The following IL1RAPL1 variants were observed in gnomAD, a reference collection of about 807,000 sequenced individuals.
The protein encoded by IL1RAPL1 is interleukin 1 receptor accessory protein like 1.
In IL1RAPL1, 3 loss-of-function variants were observed where a neutral mutation model predicts 48.4. The ratio of observed to expected loss-of-function variants is 0.06; its 90% CI spans 0.03 to 0.16. The LOEUF (loss-of-function observed/expected upper bound fraction) is 0.16, where lower values mean the gene tolerates loss of function less well. IL1RAPL1 is among the 10% of genes least tolerant of loss of function. The probability of loss-of-function intolerance (pLI) is 1.00; values close to 1 mark genes in which losing one functional copy is unlikely to be tolerated. For missense variants in IL1RAPL1, 349 were observed against 530.6 expected (o/e 0.66, Z 3.36); for synonymous variants, 185 against 187.7 (o/e 0.99, Z 0.12).
chrX:29,038,149 G>C (rs1926770125), intron 2 of IL1RAPL1, among the ~76,000 whole-genome samples: 1 of 111,870 alleles, frequency 8.9e-6, no homozygotes, highest in South Asian at 3.7e-4. Context: ...GGCGCATCAA[G>C]TACACACATG....
At chrX:29,840,470 T>A (rs1346636651) in intron 6 of IL1RAPL1, among the ~76,000 whole-genome samples, 3 of 112,150 alleles carry the variant, frequency 2.7e-5, no homozygotes, top group Non-Finnish European at 3.8e-5. Context: ...AAACCCATTT[T>A]AAAAAATCCC....
intron 2 of IL1RAPL1, among the ~76,000 whole-genome samples, chrX:29,240,216 A>AT (rs1931389019): frequency 3.7e-5 from 1 of 27,057 alleles, no homozygotes; most frequent in African/African-American, 2.1e-4. Context: ...ATATATATAT[A>AT]TATATATATT....
At chrX:28,981,717 CA>C (rs780797858) in intron 2 of IL1RAPL1, among the ~76,000 whole-genome samples, 1 of 111,617 alleles carries the variant, frequency 9.0e-6, no homozygotes, top group South Asian at 3.8e-4. Context: ...CCTTTCTTCC[CA>C]ATGCTGAAAT....
chrX:29,504,273 G>T (rs758440842), intron 5 of IL1RAPL1, among the ~76,000 whole-genome samples: 1 of 111,700 alleles, frequency 9.0e-6, no homozygotes, highest in African/African-American at 3.3e-5. Flanking sequence ...CCTGGCTACT[G>T]TTTCATGCAC....
chrX:29,081,020 C>CTCTCTTTCTTTTCTTTTCTTTTCTTTTCT (rs1555960745), intron 2 of IL1RAPL1, among the ~76,000 whole-genome samples: 1 of 41,911 alleles, frequency 2.4e-5, no homozygotes, highest in Non-Finnish European at 4.4e-5. Context: ...CTCTCTCTCT[C>CTCTCTTTCTTTTCTTTTCTTTTCTTTTCT]TTTCTTTTCT....
chrX:29,682,066 A>G (rs141987580), intron 6 of IL1RAPL1, among the ~76,000 whole-genome samples: 47 of 112,038 alleles, frequency 4.2e-4, no homozygotes, highest in South Asian at 7.4e-4. Context: ...CCCTATTAGT[A>G]TGTACAATTA....
In IL1RAPL1 at chrX:29,956,328, G is replaced by GAA. The variant is rs765911053; in HGVS notation, c.*529_*530dup. ...CAAATGCCAGCATTGCCATTCGGGG[G>GAA]AAAAAAAAAAAAAAAAAAAAAAGAT... On this transcript the variant is annotated 3_prime_UTR_variant, in exon 11 of 11. Transcript: ENST00000378993. 5.4e-4 allele frequency: 30 copies of GAA among 55,812 alleles called. No homozygotes were observed. Among genetic ancestry groups the GAA allele is most frequent in the Non-Finnish European group, 7.5e-4 (22 of 29,239 alleles). 4.6% of individuals were successfully genotyped at this position (55,812 alleles called of 1,213,427 possible).
At chrX:28,693,190 A>G (rs1935197589) in intron 1 of IL1RAPL1, among the ~76,000 whole-genome samples, 2 of 112,100 alleles carry the variant, frequency 1.8e-5, no homozygotes, top group African/African-American at 3.2e-5. Context: ...CTTTACTGGT[A>G]CCCCCAACAA....
chrX:29,846,066 C>A (rs1271621901), intron 6 of IL1RAPL1, among the ~76,000 whole-genome samples: 2 of 111,335 alleles, frequency 1.8e-5, no homozygotes, highest in East Asian at 5.7e-4. Context: ...GAGATTTGGG[C>A]AGGGACGCAC....
At chrX:29,784,451 A>C (rs894633654) in intron 6 of IL1RAPL1, among the ~76,000 whole-genome samples, 2 of 111,658 alleles carry the variant, frequency 1.8e-5, no homozygotes, top group African/African-American at 3.3e-5. Context: ...GGCTATTCAT[A>C]CACAGGTATA....
In IL1RAPL1 at chrX:29,644,340, T is replaced by G. The variant is rs368473331; in HGVS notation, c.704-24090T>G. Among the ~76,000 whole-genome samples the G allele has an allele frequency of 3.6e-5, 4 of 111,943 alleles. No individual in the cohort carries two copies. The South Asian group carries it at 1.5e-3, about 42-fold the overall frequency. On this transcript the variant is annotated intron_variant, in intron 5 of 10. Coordinates refer to ENST00000378993, the MANE Select transcript of IL1RAPL1 (RefSeq NM_014271.4). ...AAAAGAATTAATTCTTTGTCAAGTGTGTGAGGAAGAGCATGGTGGACCAGA... is the reference window on the plus strand; with the variant it reads ...AAAAGAATTAATTCTTTGTCAAGTGGGTGAGGAAGAGCATGGTGGACCAGA...
intron 2 of IL1RAPL1, among the ~76,000 whole-genome samples, chrX:28,985,030 C>T (rs1291981767): frequency 9.0e-6 from 1 of 111,424 alleles, no homozygotes; most frequent in East Asian, 2.8e-4. Context: ...GGGTATGATA[C>T]AAACCAATGA....
At chrX:29,648,294 C>G (rs1015500042) in intron 5 of IL1RAPL1, among the ~76,000 whole-genome samples, 1 of 112,020 alleles carries the variant, frequency 8.9e-6, no homozygotes, top group African/African-American at 3.2e-5. Context: ...GTGGACCTAA[C>G]AGACATATAC....
chrX:28,686,204 A>G (rs922766474), intron 1 of IL1RAPL1, among the ~76,000 whole-genome samples: 4 of 112,263 alleles, frequency 3.6e-5, no homozygotes, highest in African/African-American at 6.5e-5. Context: ...ATTGAGTTGA[A>G]TTAAACAAAA....
intron 2 of IL1RAPL1, among the ~76,000 whole-genome samples, chrX:29,061,301 A>C (rs1927335569): frequency 8.9e-6 from 1 of 112,012 alleles, no homozygotes; most frequent in African/African-American, 3.2e-5. Context: ...CTGTCTGATG[A>C]GCATGCTTAT....
At chrX:29,334,832 T>TG (rs1439157832) in intron 3 of IL1RAPL1, among the ~76,000 whole-genome samples, 2 of 108,220 alleles carry the variant, frequency 1.8e-5, no homozygotes, top group Admixed American at 9.6e-5. Flanking sequence ...TCCCAGACGA[T>TG]GGGGGGCCAG....
chrX:29,005,770 CA>C (rs1925963025), intron 2 of IL1RAPL1, among the ~76,000 whole-genome samples: 1 of 111,605 alleles, frequency 9.0e-6, no homozygotes, highest in South Asian at 3.7e-4. Flanking sequence ...TCTTAACCAT[CA>C]AACTTTCACT....
chrX:29,803,106 T>C (rs190601764), intron 6 of IL1RAPL1, among the ~76,000 whole-genome samples: 5 of 92,410 alleles, frequency 5.4e-5, no homozygotes, highest in Non-Finnish European at 1.1e-4. Context: ...CATGTATACA[T>C]ATATGTATAT....
chrX:29,563,029 A>T, intron 5 of IL1RAPL1, among the ~76,000 whole-genome samples: 1 of 111,661 alleles, frequency 9.0e-6, no homozygotes, highest in Middle Eastern at 4.7e-3. Context: ...GTAACAAATG[A>T]CCCTACTTAA....
Sources: gnomAD v4.1 joint callset for allele counts (sites outside exome capture counted in the v4.1 genomes callset) on GRCh38, gnomAD v4.1.1 for gene constraint, MANE v1.5 for transcripts, NCBI Gene and HGNC (gene_info 2026-07-23, HGNC 2026-07-21) for gene names.